The following NRXN3 variants were observed in gnomAD, a reference collection of about 807,000 sequenced individuals.
NRXN3 encodes the protein neurexin III.
Under a neutral mutation model 137.6 loss-of-function variants are expected in NRXN3, and 32 were observed. The observed-to-expected ratio is 0.23, with a 90% CI of 0.18 to 0.31. NRXN3 has a LOEUF of 0.31. NRXN3 is among the 10% of genes least tolerant of loss of function. The probability of loss-of-function intolerance (pLI) is 1.00; values close to 1 mark genes in which losing one functional copy is unlikely to be tolerated. For synonymous variants in NRXN3, 798 were observed against 784.5 expected (o/e 1.02, Z -0.29); for missense variants, 1,574 against 2,062.5 (o/e 0.76, Z 4.59).
At chr14:78,208,332 T>G (rs1236800949) in intron 1 of NRXN3, among the ~76,000 whole-genome samples, 1 of 152,196 alleles carries the variant, frequency 6.6e-6, no homozygotes, top group African/African-American at 2.4e-5. Context: ...TTCTCTATCC[T>G]CCTGCCCTTG....
intron 15 of NRXN3, among the ~76,000 whole-genome samples, chr14:79,149,907 T>G (rs532247672): frequency 6.6e-6 from 1 of 152,100 alleles, no homozygotes; most frequent in Admixed American, 6.5e-5. Flanking sequence ...CATGCTGGGC[T>G]TAATACCTAG....
rs1179837876 is a variant in NRXN3, at chr14:78,270,323, GT to G, written c.710-8319del. 2.0e-5 allele frequency among the ~76,000 whole-genome samples: 3 copies of G among 152,304 alleles called. No individual in the cohort carries two copies. In the East Asian group the frequency reaches 5.8e-4, roughly 29 times the overall value. On this transcript the variant is annotated intron_variant, in intron 2 of 20. Coordinates refer to ENST00000335750, the MANE Select transcript of NRXN3 (RefSeq NM_001330195.2). ...ATGATGGGACATCTCATTTAGGCCAGTTTCTGTTTTGATTTCCTGGTGTCCT... is the reference window on the plus strand; with the variant it reads ...ATGATGGGACATCTCATTTAGGCCAGTTCTGTTTTGATTTCCTGGTGTCCT...
At position 78,410,151 on chromosome 14, in the gene NRXN3, G is replaced by A. The variant is rs1346994508; in HGVS notation, c.757+112291G>A. On this transcript the variant is annotated intron_variant, in intron 4 of 20. Coordinates refer to ENST00000335750, the MANE Select transcript of NRXN3 (RefSeq NM_001330195.2). ...AAGTTACCTGCCTGTTTCTAGATCA[G>A]TAACTGTGCCCATGGAAATAAACTA... Among the ~76,000 whole-genome samples, 3 of 152,222 alleles carry A rather than the reference G, an allele frequency of 2.0e-5. No individual in the cohort carries two copies. In the East Asian group the frequency reaches 5.8e-4, roughly 29 times the overall value.
chr14:78,736,549 A>G (rs1472912841), intron 8 of NRXN3, among the ~76,000 whole-genome samples: 3 of 152,216 alleles, frequency 2.0e-5, no homozygotes, highest in African/African-American at 7.2e-5. Context: ...TCCTTATGCC[A>G]TAACCTGATG....
intron 19 of NRXN3, among the ~76,000 whole-genome samples, chr14:79,729,041 T>C (rs1301881870): frequency 6.6e-6 from 1 of 152,146 alleles, no homozygotes; most frequent in Admixed American, 6.5e-5. Flanking sequence ...CTTGTCACCT[T>C]GACAAAATGC....
intron 20 of NRXN3, chr14:79,823,861 T>C: frequency 2.3e-6 from 1 of 441,898 alleles, no homozygotes; most frequent in Non-Finnish European, 4.6e-6. Context: ...TCTATATAGC[T>C]TAACACATTA....
chr14:79,492,362 C>A (rs10162571), intron 16 of NRXN3, among the ~76,000 whole-genome samples: 5,793 of 152,064 alleles, frequency 0.038, 342 homozygotes, highest in African/African-American at 0.13. Flanking sequence ...AGTTTTAGTG[C>A]TAACGTATCA....
chr14:79,507,503 A>G (rs2096889814), intron 16 of NRXN3, among the ~76,000 whole-genome samples: 1 of 152,188 alleles, frequency 6.6e-6, no homozygotes, highest in Non-Finnish European at 1.5e-5. Context: ...TGTTTCTTTG[A>G]ATACAAATGC....
At chr14:79,126,387 A>C (rs1355975480) in intron 15 of NRXN3, among the ~76,000 whole-genome samples, 1 of 128,682 alleles carries the variant, frequency 7.8e-6, no homozygotes, top group East Asian at 2.3e-4. Flanking sequence ...ATGTGTTCTC[A>C]TTGTTCAATT....
At chr14:79,838,460 T>A (rs776501146) in intron 20 of NRXN3, among the ~76,000 whole-genome samples, 25 of 152,062 alleles carry the variant, frequency 1.6e-4, no homozygotes, top group Non-Finnish European at 3.7e-4. Context: ...GTTTCTCAAA[T>A]TTTTTTTAGA....
At chr14:79,451,746 G>A (rs1007722635) in intron 15 of NRXN3, among the ~76,000 whole-genome samples, 1 of 152,184 alleles carries the variant, frequency 6.6e-6, no homozygotes, top group Non-Finnish European at 1.5e-5. Context: ...GCATTCTGCT[G>A]CTCCAGCCAT....
chr14:79,647,652 C>T (rs12100748), intron 16 of NRXN3, among the ~76,000 whole-genome samples: 13,167 of 135,124 alleles, frequency 0.097, 2,541 homozygotes, highest in African/African-American at 0.3. Flanking sequence ...AACCTCGAGC[C>T]GACCCATCTC....
intron 15 of NRXN3, among the ~76,000 whole-genome samples, chr14:79,120,968 AG>A (rs565685284): frequency 5.9e-4 from 90 of 152,180 alleles, no homozygotes; most frequent in Middle Eastern, 3.4e-3. Context: ...ATTGCTCTCT[AG>A]GGGGGAAATT....
intron 16 of NRXN3, among the ~76,000 whole-genome samples, chr14:79,480,034 A>G (rs1051438456): frequency 4.6e-5 from 7 of 151,932 alleles, no homozygotes; most frequent in African/African-American, 1.5e-4. Context: ...TAACACAAAA[A>G]CCCATTTATT....
At chr14:79,801,547 C>T (rs1397153705) in intron 19 of NRXN3, among the ~76,000 whole-genome samples, 2 of 151,828 alleles carry the variant, frequency 1.3e-5, no homozygotes, top group East Asian at 1.9e-4. Flanking sequence ...GACGTGTGTG[C>T]ACGCACACAC....
At position 79,845,765 on chromosome 14, in the gene NRXN3, ACG is replaced by A. The variant is rs1426870888; in HGVS notation, c.4094-15576_4094-15575del. Among the ~76,000 whole-genome samples the A allele has an allele frequency of 1.2e-4, 9 of 77,808 alleles. 1 individual carries two copies. Among genetic ancestry groups the A allele is most frequent in the Admixed American group, 3.8e-4 (3 of 7,904 alleles). 51.0% of individuals were successfully genotyped at this position (77,808 alleles called of 152,430 possible). ...GAGGGAGACGGGGAGAGAGAGGGAGACGGGGAGAGAGAGGGAGACGGGGAGAG... is the reference window on the plus strand; with the variant it reads ...GAGGGAGACGGGGAGAGAGAGGGAGAGGGAGAGAGAGGGAGACGGGGAGAG... On this transcript the variant is annotated intron_variant, in intron 20 of 20. Coordinates refer to ENST00000335750, the MANE Select transcript of NRXN3 (RefSeq NM_001330195.2).
chr14:79,269,107 T>C (rs1204323083), intron 15 of NRXN3, among the ~76,000 whole-genome samples: 1 of 152,134 alleles, frequency 6.6e-6, no homozygotes, highest in East Asian at 1.9e-4. Context: ...TGGAGTGCAG[T>C]GGCACAATCT....
At chr14:78,453,182 C>T (rs1180038584) in intron 4 of NRXN3, among the ~76,000 whole-genome samples, 2 of 152,126 alleles carry the variant, frequency 1.3e-5, no homozygotes, top group Non-Finnish European at 2.9e-5. Flanking sequence ...TACAGTTCCA[C>T]TGTTAGGGAT....
intron 4 of NRXN3, among the ~76,000 whole-genome samples, chr14:78,420,753 T>G (rs1440372248): frequency 1.3e-5 from 2 of 152,222 alleles, no homozygotes; most frequent in Non-Finnish European, 1.5e-5. Flanking sequence ...ATTGATAGCT[T>G]AAGTGCCAAT....
Sources: gnomAD v4.1 joint callset for allele counts (sites outside exome capture counted in the v4.1 genomes callset) on GRCh38, gnomAD v4.1.1 for gene constraint, MANE v1.5 for transcripts, NCBI Gene and HGNC (gene_info 2026-07-23, HGNC 2026-07-21) for gene names.